Variants in ACVR1 observed in about 807,000 individuals in gnomAD.
The protein encoded by ACVR1 is activin A receptor type 1.
In ACVR1, 38 loss-of-function variants were observed where a neutral mutation model predicts 57.1. The observed-to-expected ratio is 0.67, with a 90% CI of 0.51 to 0.87. The LOEUF (loss-of-function observed/expected upper bound fraction) is 0.87. ACVR1 is among the 40% of genes least tolerant of loss of function. The pLI is 0.00. For missense variants in ACVR1, 463 were observed against 638.2 expected, an observed-to-expected ratio of 0.73 and a Z score of 2.96; for synonymous variants, 212 against 228.1, an observed-to-expected ratio of 0.93 and a Z score of 0.63.
chr2:157,756,667 C>T (rs1042887545), intron 9 of ACVR1, among the ~76,000 whole-genome samples: 2 of 151,758 alleles, frequency 1.3e-5, no homozygotes, highest in African/African-American at 4.8e-5. Flanking sequence ...CAGATGTTGG[C>T]GTGGATGCGG....
In ACVR1 at chr2:157,811,309, G is replaced by C. The variant is rs150434524; in HGVS notation, c.-8+7076C>G. 6.0e-3 allele frequency among the ~76,000 whole-genome samples: 915 copies of C among 152,176 alleles called. 9 individuals are homozygous for C. The highest frequency in any genetic ancestry group is 0.02 in the African/African-American group (840 of 41,500). On this transcript the variant is annotated intron_variant, in intron 2 of 10. Coordinates refer to ENST00000434821, the MANE Select transcript of ACVR1 (RefSeq NM_001111067.4). The stretch of plus-strand genomic sequence containing the variant: ...TTTCTTAGACTCGGGAACCACTGTA[G>C]GCCACCAGGCTGGACCACCAGGTTG...
intron 2 of ACVR1, among the ~76,000 whole-genome samples, chr2:157,813,152 G>T (rs1249880522): frequency 6.6e-6 from 1 of 150,782 alleles, no homozygotes; most frequent in Non-Finnish European, 1.5e-5. Context: ...AAAATTCTGT[G>T]AAATGGACTT....
At chr2:157,814,767 AC>A (rs1687871229) in intron 2 of ACVR1, among the ~76,000 whole-genome samples, 1 of 152,166 alleles carries the variant, frequency 6.6e-6, no homozygotes, top group South Asian at 2.1e-4. Context: ...GCACATCTCT[AC>A]AATGGAATAC....
At chr2:157,749,711 G>T (rs1378658976) in intron 9 of ACVR1, among the ~76,000 whole-genome samples, 1 of 152,182 alleles carries the variant, frequency 6.6e-6, no homozygotes, top group Non-Finnish European at 1.5e-5. Flanking sequence ...CGATCAGGGG[G>T]CTCTGAAAAC....
chr2:157,777,594 T>C (rs1686340372), intron 5 of ACVR1, among the ~76,000 whole-genome samples: 2 of 152,178 alleles, frequency 1.3e-5, no homozygotes, highest in Admixed American at 1.3e-4. Context: ...GATGCACATG[T>C]TTCTATTGGA....
chr2:157,831,282 A>G (rs1001905938), intron 1 of ACVR1, among the ~76,000 whole-genome samples: 2 of 152,248 alleles, frequency 1.3e-5, no homozygotes, highest in African/African-American at 4.8e-5. Flanking sequence ...TAAAGAAAAG[A>G]GTAGGAAGAT....
chr2:157,870,309 A>G (rs997596592), intron 1 of ACVR1, among the ~76,000 whole-genome samples: 1 of 152,198 alleles, frequency 6.6e-6, no homozygotes, highest in African/African-American at 2.4e-5. Context: ...AGAACTGGCT[A>G]AAACGGAATC....
At chr2:157,750,998 C>T (rs756246227) in intron 9 of ACVR1, among the ~76,000 whole-genome samples, 79 of 151,976 alleles carry the variant, frequency 5.2e-4, no homozygotes, top group Non-Finnish European at 8.4e-4. Flanking sequence ...TGTGGAGACT[C>T]GCACCATAAA....
At chr2:157,805,338 T>C (rs1687480393) in intron 2 of ACVR1, among the ~76,000 whole-genome samples, 1 of 152,218 alleles carries the variant, frequency 6.6e-6, no homozygotes, top group African/African-American at 2.4e-5. Context: ...CTCAATTCAA[T>C]TTCTAACAAT....
intron 1 of ACVR1, among the ~76,000 whole-genome samples, chr2:157,873,852 A>G (rs1374215184): frequency 6.6e-6 from 1 of 152,202 alleles, no homozygotes; most frequent in East Asian, 1.9e-4. Flanking sequence ...CAAATCTATT[A>G]ATCAAATTAA....
intron 1 of ACVR1, among the ~76,000 whole-genome samples, chr2:157,860,398 G>A (rs948017754): frequency 6.6e-6 from 1 of 152,220 alleles, no homozygotes; most frequent in African/African-American, 2.4e-5. Flanking sequence ...GTGTTCAGCA[G>A]AATGCTACCC....
chr2:157,863,946 G>A (rs71421052), intron 1 of ACVR1, among the ~76,000 whole-genome samples: 3,233 of 139,304 alleles, frequency 0.023, 60 homozygotes, highest in Middle Eastern at 0.067. Flanking sequence ...TGCAACCTCC[G>A]CCTCCTGAGT....
intron 4 of ACVR1, 113 bp downstream of exon 4, chr2:157,780,224 T>C (rs766779225): frequency 1.9e-4 from 289 of 1,485,354 alleles, no homozygotes; most frequent in Non-Finnish European, 2.0e-4. Flanking sequence ...TCTTCGCCTC[T>C]GATTCAAAAT....
intron 8 of ACVR1, among the ~76,000 whole-genome samples, chr2:157,761,357 CAA>C (rs1331672054): frequency 6.6e-6 from 1 of 152,062 alleles, no homozygotes; most frequent in African/African-American, 2.4e-5. Flanking sequence ...TGCACTAAAC[CAA>C]TGTGGCCTGT....
chr2:157,832,547 T>C (rs1456988703), intron 1 of ACVR1, among the ~76,000 whole-genome samples: 1 of 152,176 alleles, frequency 6.6e-6, no homozygotes, highest in African/African-American at 2.4e-5. Flanking sequence ...TTGTCTATGA[T>C]ACATAAATCT....
intron 2 of ACVR1, among the ~76,000 whole-genome samples, chr2:157,817,950 C>T (rs943828011): frequency 2.7e-5 from 4 of 148,650 alleles, no homozygotes; most frequent in Non-Finnish European, 5.9e-5. Flanking sequence ...TGCAGTGAAC[C>T]GAGATCACAC....
chr2:157,816,906 A>T (rs902406607), intron 2 of ACVR1, among the ~76,000 whole-genome samples: 1 of 152,096 alleles, frequency 6.6e-6, no homozygotes, highest in African/African-American at 2.4e-5. Context: ...GTAGGTATTC[A>T]TATTACCCCC....
intron 9 of ACVR1, among the ~76,000 whole-genome samples, chr2:157,741,967 A>G (rs1000402532): frequency 6.6e-6 from 1 of 152,132 alleles, no homozygotes; most frequent in African/African-American, 2.4e-5. Flanking sequence ...TTCCAGGCAG[A>G]GGGAGGCTAT....
intron 3 of ACVR1, among the ~76,000 whole-genome samples, chr2:157,781,004 A>C (rs543578886): frequency 4.0e-5 from 6 of 151,200 alleles, no homozygotes; most frequent in African/African-American, 1.5e-4. Flanking sequence ...ATTCTATTCC[A>C]AAAAAAAAGC....
Sources: gnomAD v4.1 joint callset for allele counts (sites outside exome capture counted in the v4.1 genomes callset) on GRCh38, gnomAD v4.1.1 for gene constraint, MANE v1.5 for transcripts, NCBI Gene and HGNC (gene_info 2026-07-23, HGNC 2026-07-21) for gene names.